Variants in OPN3 observed in about 807,000 individuals in gnomAD.
OPN3 encodes opsin-3.
In OPN3, 29 loss-of-function variants were observed where a neutral mutation model predicts 33.8. That is an observed-to-expected ratio of 0.86 (90% CI 0.64 to 1.17). The LOEUF (loss-of-function observed/expected upper bound fraction) is 1.17. OPN3 is among the 50% of genes most tolerant of loss of function. The pLI is 0.00. For synonymous variants in OPN3, 216 were observed against 216.1 expected, an observed-to-expected ratio of 1.00 and a Z score of 0.00; for missense variants, 437 against 514.1, an observed-to-expected ratio of 0.85 and a Z score of 1.45.
chr1:241,604,586 G>C lies in OPN3; in HGVS notation c.374-7C>G. On this transcript the variant is annotated splice_polypyrimidine_tract_variant and splice_region_variant and intron_variant, in intron 1 of 3. Transcript: ENST00000366554. ...GTGGCAATGGAAACAATCCCTGCAA[G>C]AAGAGAAAGTGGAAAAGTATAGCAT... is the stretch of plus-strand genomic sequence containing the variant. 1 of 1,605,042 alleles carries C rather than the reference G, an allele frequency of 6.2e-7. No individual in the cohort carries two copies. Among genetic ancestry groups the C allele is most frequent in the South Asian group, 1.1e-5 (1 of 90,270 alleles).
intron 1 of OPN3, among the ~76,000 whole-genome samples, chr1:241,617,491 T>G (rs934741780): frequency 1.3e-5 from 2 of 152,226 alleles, no homozygotes; most frequent in Admixed American, 6.5e-5. Flanking sequence ...TCAGAGGCAC[T>G]GAATTAAATC....
chr1:241,607,659 A>C (rs1663874144), intron 1 of OPN3, among the ~76,000 whole-genome samples: 1 of 151,094 alleles, frequency 6.6e-6, no homozygotes, highest in Admixed American at 6.6e-5. Context: ...AAGAAGAAAG[A>C]AAGAAAGAAA....
chr1:241,604,533 G>A lies in OPN3; in HGVS notation c.420C>T (p.Tyr140=), dbSNP rs181703553. 5.0e-6 allele frequency: 8 copies of A among 1,614,100 alleles called. No homozygotes were observed. In the Admixed American group the frequency reaches 1.3e-4, roughly 27 times the overall value. ...TCACTCTGGCATGGACCACGCGAAT[G>A]TAACGTTCATAGGCCAGCACGGTTA... ...ATLTVLAYER[Y]IRVVHARVIN... is the part of the protein sequence containing the mutation. Residue 140 remains tyrosine, a synonymous_variant, in exon 2 of 4, where the codon TAC becomes TAT. Transcript: ENST00000366554.
At chr1:241,598,395 A>G (rs1158318431) in intron 2 of OPN3, among the ~76,000 whole-genome samples, 1 of 152,244 alleles carries the variant, frequency 6.6e-6, no homozygotes, top group Non-Finnish European at 1.5e-5. Flanking sequence ...TTAGTCCTCC[A>G]GTTCTCAAAT....
intron 1 of OPN3, chr1:241,630,868 C>T (rs1282721726): frequency 6.6e-6 from 1 of 152,008 alleles, no homozygotes; most frequent in African/African-American, 2.4e-5. Context: ...AATGGCTGTT[C>T]TGCTTAACAC....
At chr1:241,633,767 C>T in intron 1 of OPN3, 1 of 1,610,294 alleles carries the variant, frequency 6.2e-7, no homozygotes, top group Non-Finnish European at 8.5e-7. Context: ...TGAAGGAGGT[C>T]CAAAACAGCA....
intron 2 of OPN3, among the ~76,000 whole-genome samples, chr1:241,599,899 A>G (rs1663635587): frequency 6.6e-6 from 1 of 152,190 alleles, no homozygotes; most frequent in Non-Finnish European, 1.5e-5. Flanking sequence ...TTATATTTGA[A>G]CTAGATATGA....
chr1:241,612,215 A>T (rs754683339), intron 1 of OPN3, among the ~76,000 whole-genome samples: 50 of 152,216 alleles, frequency 3.3e-4, no homozygotes, highest in Non-Finnish European at 6.6e-4. Context: ...TCTACCTATA[A>T]AATGGGGCAA....
chr1:241,594,562 T>C lies in OPN3; in HGVS notation c.1075A>G (p.Arg359Gly). The change falls in exon 4 of 4, where the codon AGG (arginine) becomes GGG (glycine). Residue 359 changes from arginine (R) to glycine (G), a missense_variant. Transcript: ENST00000366554. ...TTGAAAGTCACTTTTTTCTTTGGCC[T>C]GTCCCCATCTTTCTGTGACATCACA... ...PIVMSQKDGD[R>G]PKKKVTFNSS... The C allele has an allele frequency of 1.2e-6, 2 of 1,614,170 alleles. No individual in the cohort carries two copies. Among genetic ancestry groups the C allele is most frequent in the Non-Finnish European group, 8.5e-7 (1 of 1,180,010 alleles).
At position 241,594,553 on chromosome 1, in the gene OPN3, T is replaced by G. The variant is rs768325818; in HGVS notation, c.1084A>C (p.Lys362Gln). Residue 362 changes from lysine (K) to glutamine (Q), a missense_variant, in exon 4 of 4, where the codon AAA becomes CAA. Transcript: ENST00000366554. ...MSQKDGDRPK[K>Q]KVTFNSSSII... ...GAAGAAGAGTTGAAAGTCACTTTTTTCTTTGGCCTGTCCCCATCTTTCTGT... is the reference window on the plus strand; with the variant it reads ...GAAGAAGAGTTGAAAGTCACTTTTTGCTTTGGCCTGTCCCCATCTTTCTGT... The G allele has an allele frequency of 6.2e-6, 10 of 1,614,140 alleles. No individual in the cohort carries two copies. The highest frequency in any genetic ancestry group is 8.5e-6 in the Non-Finnish European group (10 of 1,179,984).
chr1:241,631,894 T>C (rs1041321718), intron 1 of OPN3: 1 of 152,104 alleles, frequency 6.6e-6, no homozygotes, highest in Non-Finnish European at 1.5e-5. Context: ...CAGTGAATGT[T>C]AGTAGAAAGA....
intron 1 of OPN3, chr1:241,615,761 G>A (rs2148009947): frequency 6.8e-6 from 3 of 444,070 alleles, no homozygotes; most frequent in South Asian, 4.7e-5. Context: ...ACTCCCAACT[G>A]TGTGCCCTAT....
chr1:241,606,069 T>C (rs2148002421), intron 1 of OPN3, among the ~76,000 whole-genome samples: 1 of 152,234 alleles, frequency 6.6e-6, no homozygotes, highest in Middle Eastern at 3.4e-3. Context: ...TTGGAGGCCA[T>C]GGAAACCAAC....
chr1:241,621,983 G>C (rs1055671616), intron 1 of OPN3, among the ~76,000 whole-genome samples: 2 of 152,130 alleles, frequency 1.3e-5, no homozygotes, highest in Non-Finnish European at 2.9e-5. Context: ...GCTCTCTCAG[G>C]CTTCAAACTG....
chr1:241,634,750 T>C (rs1664809088), intron 1 of OPN3: 1 of 1,613,916 alleles, frequency 6.2e-7, no homozygotes, highest in African/African-American at 1.3e-5. Flanking sequence ...TTGAGTGCAG[T>C]ACAAAATGTT....
At chr1:241,604,850 G>A (rs1663783065) in intron 1 of OPN3, among the ~76,000 whole-genome samples, 1 of 152,014 alleles carries the variant, frequency 6.6e-6, no homozygotes, top group Non-Finnish European at 1.5e-5. Flanking sequence ...GAGCCTAGGA[G>A]TTCAAGACCA....
intron 1 of OPN3, among the ~76,000 whole-genome samples, chr1:241,621,054 T>A (rs1002455330): frequency 5.9e-5 from 9 of 152,160 alleles, no homozygotes; most frequent in African/African-American, 2.2e-4. Context: ...TGGTGACCTC[T>A]GGGGAAAGGA....
At chr1:241,607,267 C>T (rs925546775) in intron 1 of OPN3, among the ~76,000 whole-genome samples, 3 of 152,148 alleles carry the variant, frequency 2.0e-5, no homozygotes, top group Admixed American at 2.0e-4. Context: ...ATAATCTCAA[C>T]ACTTTGGGAG....
rs142335837 is a variant in OPN3, at chr1:241,635,130, T to C, written c.373+4752A>G. Reference sequence around the variant, plus strand: ...TGAGAGTAAGTAATCCTATTTCTAATTGGTTCATCGGCCTTATCTTCTACT... The same window carrying C: ...TGAGAGTAAGTAATCCTATTTCTAACTGGTTCATCGGCCTTATCTTCTACT... On this transcript the variant is annotated intron_variant, in intron 1 of 3. Coordinates refer to ENST00000366554, the MANE Select transcript of OPN3 (RefSeq NM_014322.3). 4.0e-4 allele frequency: 653 copies of C among 1,612,844 alleles called. 2 individuals are homozygous for C. The highest frequency in any genetic ancestry group is 4.6e-4 in the Non-Finnish European group (547 of 1,179,912).
Sources: allele counts gnomAD v4.1 joint callset (sites outside exome capture counted in the v4.1 genomes callset), GRCh38; gene constraint gnomAD v4.1.1; transcripts MANE v1.5; gene names NCBI Gene and HGNC (gene_info 2026-07-23, HGNC 2026-07-21).